Variants in DISC1 observed in about 807,000 individuals in gnomAD.
The protein encoded by DISC1 is disrupted in schizophrenia 1 protein.
In DISC1, 57 loss-of-function variants were observed where a neutral mutation model predicts 84.5. That is an observed-to-expected ratio of 0.67 (90% CI 0.55 to 0.84). The LOEUF is 0.84. Ranked by LOEUF, DISC1 falls within the 40% of genes least tolerant of loss-of-function variation. The probability of loss-of-function intolerance (pLI) is 0.00; values close to 1 mark genes in which losing one functional copy is unlikely to be tolerated. For synonymous variants in DISC1, 411 were observed against 415.2 expected (o/e 0.99, Z 0.12); for missense variants, 1,000 against 1,057.8 (o/e 0.95, Z 0.76).
chr1:231,940,668 G>C (rs1190413695), intron 9 of DISC1, among the ~76,000 whole-genome samples: 1 of 152,160 alleles, frequency 6.6e-6, no homozygotes, highest in Non-Finnish European at 1.5e-5. Flanking sequence ...AGGAAGGAAG[G>C]GGGTGGGGGA....
At chr1:231,699,287 G>T (rs780637820) in intron 2 of DISC1, among the ~76,000 whole-genome samples, 5 of 152,154 alleles carry the variant, frequency 3.3e-5, no homozygotes, top group African/African-American at 1.2e-4. Flanking sequence ...GTAAGTACTA[G>T]CATCCTATAC....
At chr1:231,884,984 A>T (rs2086580758) in intron 9 of DISC1, among the ~76,000 whole-genome samples, 1 of 151,994 alleles carries the variant, frequency 6.6e-6, no homozygotes, top group African/African-American at 2.4e-5. Context: ...TCCGTGTTCC[A>T]CCTGATCCAT....
At chr1:231,812,856 G>C (rs1417208581) in intron 8 of DISC1, among the ~76,000 whole-genome samples, 1 of 152,186 alleles carries the variant, frequency 6.6e-6, no homozygotes, top group Admixed American at 6.5e-5. Context: ...CTTGGTCTAA[G>C]CCTCATGGGA....
chr1:231,640,272 C>T (rs1281466277), intron 1 of DISC1, among the ~76,000 whole-genome samples: 1 of 152,208 alleles, frequency 6.6e-6, no homozygotes, highest in Non-Finnish European at 1.5e-5. Flanking sequence ...TTGAGACAGG[C>T]TGCTGATATG....
At chr1:231,721,085 G>A (rs1450183552) in intron 3 of DISC1, 1 of 1,290,486 alleles carries the variant, frequency 7.7e-7, no homozygotes, top group African/African-American at 1.5e-5. Context: ...CTGTCCTGAT[G>A]TGAGAAATGA....
chr1:231,911,074 C>A (rs915109519), intron 9 of DISC1, among the ~76,000 whole-genome samples: 5 of 152,296 alleles, frequency 3.3e-5, no homozygotes, highest in African/African-American at 1.2e-4. Context: ...TGTGTCTCTG[C>A]ATGTGAGATG....
At chr1:231,899,019 T>C (rs2087939190) in intron 9 of DISC1, among the ~76,000 whole-genome samples, 2 of 148,232 alleles carry the variant, frequency 1.3e-5, no homozygotes, top group Admixed American at 6.7e-5. Context: ...GAAAACCAAA[T>C]AGTTAGATGA....
chr1:231,824,374 A>T (rs1211193538), intron 9 of DISC1, among the ~76,000 whole-genome samples: 1 of 152,200 alleles, frequency 6.6e-6, no homozygotes, highest in African/African-American at 2.4e-5. Context: ...AAAAAATTCA[A>T]AATCTTTTCC....
chr1:231,700,840 G>T (rs2066326312), intron 2 of DISC1, among the ~76,000 whole-genome samples: 1 of 152,172 alleles, frequency 6.6e-6, no homozygotes, highest in African/African-American at 2.4e-5. Context: ...AACACAGACT[G>T]GAGGAGACGA....
intron 5 of DISC1, among the ~76,000 whole-genome samples, chr1:231,770,041 C>T (rs1305310504): frequency 6.6e-6 from 1 of 151,980 alleles, no homozygotes; most frequent in African/African-American, 2.4e-5. Context: ...GCTGAGAGAA[C>T]GTGAATAAGA....
chr1:231,745,138 A>G (rs1245625804), intron 3 of DISC1, among the ~76,000 whole-genome samples: 1 of 152,150 alleles, frequency 6.6e-6, no homozygotes, highest in Non-Finnish European at 1.5e-5. Context: ...GTGCATATTT[A>G]TGGGGTACAT....
At chr1:231,957,626 A>C (rs1659746135) in intron 9 of DISC1, among the ~76,000 whole-genome samples, 1 of 152,226 alleles carries the variant, frequency 6.6e-6, no homozygotes, top group African/African-American at 2.4e-5. Flanking sequence ...CAGCTAGCAC[A>C]ACTAAGTTTG....
At chr1:231,999,390 T>C (rs1233244135) in intron 10 of DISC1, among the ~76,000 whole-genome samples, 1 of 152,100 alleles carries the variant, frequency 6.6e-6, no homozygotes, top group Non-Finnish European at 1.5e-5. Context: ...TTTCCTGACC[T>C]CCAACCAAGC....
chr1:232,018,110 A>C (rs1668645436), intron 11 of DISC1, among the ~76,000 whole-genome samples: 1 of 152,182 alleles, frequency 6.6e-6, no homozygotes, highest in Non-Finnish European at 1.5e-5. Context: ...CTACCTAGCA[A>C]TTTAACTTAA....
rs1182646872 is a variant in DISC1, at chr1:231,698,306, GTGAA to G, written c.1047+3503_1047+3506del. On this transcript the variant is annotated intron_variant, in intron 2 of 12. Coordinates refer to ENST00000439617, the MANE Select transcript of DISC1 (RefSeq NM_018662.3). The surrounding 1 kb of genome is among the most constrained non-coding windows in gnomAD (Gnocchi z 4.9). The stretch of plus-strand genomic sequence containing the variant: ...GTACTGTGAATAAGGAGAATCGACT[GTGAA>G]TATTTTATGCTGTTTAGAAATCGCT... 1.3e-5 allele frequency among the ~76,000 whole-genome samples: 2 copies of G among 152,192 alleles called. No homozygotes were observed. The highest frequency in any genetic ancestry group is 4.8e-5 in the African/African-American group (2 of 41,436).
intron 9 of DISC1, among the ~76,000 whole-genome samples, chr1:231,871,741 G>C (rs1416177730): frequency 6.6e-6 from 1 of 152,176 alleles, no homozygotes; most frequent in Admixed American, 6.5e-5. Context: ...TATAATGTTT[G>C]AATTTGCCTT....
At chr1:231,673,107 C>G (rs867340231) in intron 1 of DISC1, among the ~76,000 whole-genome samples, 8 of 152,240 alleles carry the variant, frequency 5.3e-5, no homozygotes, top group African/African-American at 1.7e-4. Context: ...TTGAAGCCAG[C>G]TCTAATTCTG....
intron 9 of DISC1, among the ~76,000 whole-genome samples, chr1:231,910,731 G>C (rs1189508560): frequency 6.6e-6 from 1 of 152,146 alleles, no homozygotes; most frequent in African/African-American, 2.4e-5. Context: ...GGATATCCTT[G>C]TTAACTTTCT....
intron 9 of DISC1, among the ~76,000 whole-genome samples, chr1:231,860,560 T>C (rs1323912516): frequency 6.6e-6 from 1 of 152,168 alleles, no homozygotes; most frequent in Non-Finnish European, 1.5e-5. Context: ...TTTGGAGCCT[T>C]CTCAGGGTTA....
Sources: allele counts gnomAD v4.1 joint callset (sites outside exome capture counted in the v4.1 genomes callset), GRCh38; gene constraint gnomAD v4.1.1; non-coding constraint Gnocchi (gnomAD v3.1); transcripts MANE v1.5; gene names NCBI Gene and HGNC (gene_info 2026-07-23, HGNC 2026-07-21).